The following BARHL2 variants were observed in gnomAD, a reference collection of about 807,000 sequenced individuals.
BARHL2 encodes the protein BarH like homeobox 2.
A neutral mutation model predicts 27.1 loss-of-function variants in BARHL2; 10 were observed. The observed-to-expected ratio is 0.37, with a 90% CI of 0.23 to 0.63. The LOEUF is 0.63. Ranked by LOEUF, BARHL2 falls within the 20% of genes least tolerant of loss-of-function variation. The pLI, the probability that BARHL2 is intolerant of heterozygous loss-of-function variation, is 0.65. For synonymous variants in BARHL2, 248 were observed against 224.7 expected (o/e 1.10, Z -0.93); for missense variants, 483 against 533.5 (o/e 0.91, Z 0.93).
At chr1:90,712,916 G>GC (rs1320850115) in intron 2 of BARHL2, among the ~76,000 whole-genome samples, 7 of 152,008 alleles carry the variant, frequency 4.6e-5, no homozygotes, top group Admixed American at 2.0e-4. Context: ...CTCTGCTGTC[G>GC]CCCCCCTTGT....
chr1:90,717,017 G>T lies in BARHL2; in HGVS notation c.179C>A (p.Thr60Lys). Residue 60 changes from threonine (T) to lysine (K), a missense_variant, in exon 1 of 3, where the codon ACG becomes AAG. Around this residue, in one of 3 missense-constraint regions of BARHL2, gnomAD observed 304 missense variants for 284.9 expected, o/e 1.07. Transcript: ENST00000370445. ...GACTGAGATAGGAGAAGAAGGCGCCGTCCCTACGGTATCAATCTCCGAACA... is the reference window on the plus strand; with the variant it reads ...GACTGAGATAGGAGAAGAAGGCGCCTTCCCTACGGTATCAATCTCCGAACA... ...SPCSEIDTVG[T>K]APSSPISVTM... 1 of 1,613,900 alleles carries T rather than the reference G, an allele frequency of 6.2e-7. No individual in the cohort carries two copies. Among genetic ancestry groups the T allele is most frequent in the Non-Finnish European group, 8.5e-7 (1 of 1,179,944 alleles).
chr1:90,716,451 C>T (rs958119749), intron 1 of BARHL2, 120 bp downstream of exon 1: 4 of 1,081,042 alleles, frequency 3.7e-6, no homozygotes, highest in African/African-American at 3.1e-5. Context: ...TGACCGTCGC[C>T]CAGTCGCCCG....
At chr1:90,713,634 T>C (rs140003991) in intron 2 of BARHL2, among the ~76,000 whole-genome samples, 1 of 152,166 alleles carries the variant, frequency 6.6e-6, no homozygotes, top group East Asian at 1.9e-4. Flanking sequence ...CAACCGCACT[T>C]ATGGACGATT....
intron 1 of BARHL2, among the ~76,000 whole-genome samples, chr1:90,716,212 T>C (rs994338978): frequency 1.3e-5 from 2 of 151,976 alleles, no homozygotes; most frequent in African/African-American, 4.8e-5. Flanking sequence ...CCTCCCCCCA[T>C]TCCCATTCCC....
In BARHL2 at chr1:90,717,209, CCACGCCA is replaced by C. The variant is rs1203040701; in HGVS notation, c.-21_-15del. 1 of 1,605,616 alleles carries C rather than the reference CCACGCCA, an allele frequency of 6.2e-7. No individual in the cohort carries two copies. Among genetic ancestry groups the C allele is most frequent in the Non-Finnish European group, 8.5e-7 (1 of 1,177,346 alleles). ...TTCCATTGTCATTGCTACATGAGGTCCACGCCACTCCGCCGTTCAGCAGCCGCCCCGA... is the reference window on the plus strand; with the variant it reads ...TTCCATTGTCATTGCTACATGAGGTCCTCCGCCGTTCAGCAGCCGCCCCGA... On this transcript the variant is annotated 5_prime_UTR_variant, in exon 1 of 3. Coordinates refer to ENST00000370445, the MANE Select transcript of BARHL2 (RefSeq NM_020063.2).
intron 1 of BARHL2, among the ~76,000 whole-genome samples, chr1:90,716,176 G>A (rs961230764): frequency 6.6e-6 from 1 of 151,550 alleles, no homozygotes; most frequent in South Asian, 2.1e-4. Flanking sequence ...TCACACCCAC[G>A]CTAGCTAAGT....
At chr1:90,713,592 T>G (rs79125194) in intron 2 of BARHL2, among the ~76,000 whole-genome samples, 1 of 152,174 alleles carries the variant, frequency 6.6e-6, no homozygotes, top group East Asian at 1.9e-4. Flanking sequence ...GACAGAAAAT[T>G]ATGGTAAAGA....
At position 90,717,018 on chromosome 1, in the gene BARHL2, T is replaced by C. The variant is rs1231976506; in HGVS notation, c.178A>G (p.Thr60Ala). The C allele has an allele frequency of 6.2e-7, 1 of 1,613,576 alleles. No homozygotes were observed. The highest frequency in any genetic ancestry group is 8.5e-7 in the Non-Finnish European group (1 of 1,179,916). The change falls in exon 1 of 3, where the codon ACG (threonine) becomes GCG (alanine). Residue 60 changes from threonine to alanine, a missense_variant. Thr to Ala is a moderately conservative substitution (Grantham distance 58). Around this residue, in one of 3 missense-constraint regions of BARHL2, gnomAD observed 304 missense variants for 284.9 expected, o/e 1.07. Transcript: ENST00000370445. ...SPCSEIDTVG[T>A]APSSPISVTM... is the part of the protein sequence containing the mutation. ...ACTGAGATAGGAGAAGAAGGCGCCG[T>C]CCCTACGGTATCAATCTCCGAACAG...
intron 1 of BARHL2, 129 bp from the exon 2 acceptor site, chr1:90,714,885 A>G: frequency 1.3e-6 from 1 of 763,676 alleles, no homozygotes; most frequent in Non-Finnish European, 2.3e-6. Flanking sequence ...TGCCACCCCT[A>G]GAACACACAC....
rs1368225692 is a variant in BARHL2, at chr1:90,716,780, G to A, written c.416C>T (p.Thr139Met). The A allele has an allele frequency of 1.9e-6, 3 of 1,558,688 alleles. No homozygotes were observed. In the African/African-American group the frequency reaches 4.1e-5, roughly 21 times the overall value. The change falls in exon 1 of 3, where the codon ACG (threonine) becomes ATG (methionine). Residue 139 changes from threonine to methionine, a missense_variant. By Grantham distance (81) the Thr-to-Met change is moderately conservative. Around this residue, in one of 3 missense-constraint regions of BARHL2, gnomAD observed 304 missense variants for 284.9 expected, o/e 1.07. Coordinates refer to ENST00000370445, the MANE Select transcript of BARHL2 (RefSeq NM_020063.2). Reference sequence around the variant, plus strand: ...GATGTCCTTAATTAAAAAAGAAGACGTGGAAGTCCTGGGGGCCGAGGCGGC... The same window carrying A: ...GATGTCCTTAATTAAAAAAGAAGACATGGAAGTCCTGGGGGCCGAGGCGGC... ...GSAASAPRTS[T>M]SSFLIKDILG...
At position 90,716,882 on chromosome 1, in the gene BARHL2, A is replaced by C. The variant is rs1403422730; in HGVS notation, c.314T>G (p.Leu105Trp). The change falls in exon 1 of 3, where the codon TTG becomes TGG. Residue 105 changes from leucine to tryptophan, a missense_variant. Leu to Trp is a moderately conservative substitution (Grantham distance 61, BLOSUM62 -2). Transcript: ENST00000370445. ...CTGCTGCTGTTGGGGCAAAGGCTGC[A>C]AACTTTGCGTCGGGGCCGCGGCCGG... The part of the protein sequence containing the change: ...PPPAAAPTQS[L>W]QPLPQQQQPL... 2 of 1,586,832 alleles carry C rather than the reference A, an allele frequency of 1.3e-6. No homozygotes were observed. Among genetic ancestry groups the C allele is most frequent in the East Asian group, 4.7e-5 (2 of 42,810 alleles).
intron 2 of BARHL2, 152 bp downstream of exon 2, chr1:90,714,379 C>T: frequency 1.4e-6 from 1 of 717,468 alleles, no homozygotes; most frequent in East Asian, 2.7e-5. Context: ...GGGTGTGGCT[C>T]ATCCCTGCCC....
In BARHL2 at chr1:90,712,477, A is replaced by AGCCGCC. The variant is rs753475687; in HGVS notation, c.993_998dup (p.Ala335_Ala336dup). 3.7e-6 allele frequency: 6 copies of AGCCGCC among 1,610,662 alleles called. No homozygotes were observed. The highest frequency in any genetic ancestry group is 5.1e-6 in the Non-Finnish European group (6 of 1,179,058). ...ACATGCTGCTGTACATGGCAGCGGC[A>AGCCGCC]GCCGCCGCCGCCGTAGTGCTGTCCA... is the stretch of plus-strand genomic sequence containing the variant. On this transcript the variant is annotated inframe_insertion, in exon 3 of 3. Coordinates refer to ENST00000370445, the MANE Select transcript of BARHL2 (RefSeq NM_020063.2).
Position 90,712,283 on chromosome 1 carries a change from G to A in BARHL2, c.*29C>T. On this transcript the variant is annotated 3_prime_UTR_variant, in exon 3 of 3. Transcript: ENST00000370445. Reference sequence around the variant, plus strand: ...CCGGGTTGGGCAGGGATATGGGGAAGGGATTGCAGTGCCTTCGCTGCAATG... The same window carrying A: ...CCGGGTTGGGCAGGGATATGGGGAAAGGATTGCAGTGCCTTCGCTGCAATG... 7.0e-7 allele frequency: 1 copy of A among 1,434,352 alleles called. No individual in the cohort carries two copies. The highest frequency in any genetic ancestry group is 2.5e-5 in the East Asian group (1 of 39,614). 88.9% of individuals were successfully genotyped at this position (1,434,352 alleles called of 1,614,324 possible). A position where few individuals can be genotyped will look rare whatever the true frequency, so the allele number is the denominator to read the frequency against.
chr1:90,716,118 G>GC (rs1658138992), intron 1 of BARHL2, among the ~76,000 whole-genome samples: 1 of 119,150 alleles, frequency 8.4e-6, no homozygotes, highest in South Asian at 2.9e-4. Flanking sequence ...AAATAAAGTG[G>GC]GGGGGGGGTG....
At chr1:90,714,199 G>A (rs1169337694) in intron 2 of BARHL2, among the ~76,000 whole-genome samples, 1 of 152,248 alleles carries the variant, frequency 6.6e-6, no homozygotes, top group Non-Finnish European at 1.5e-5. Context: ...GGACCTAAGT[G>A]TCAGCTGCAC....
Position 90,714,823 on chromosome 1 carries a change from G to C in BARHL2, c.626-67C>G, listed in dbSNP as rs2100641663. 7 of 1,483,140 alleles carry C rather than the reference G, an allele frequency of 4.7e-6. No homozygotes were observed. In the East Asian group the frequency reaches 1.6e-4, roughly 34 times the overall value. 91.9% of individuals were successfully genotyped at this position (1,483,140 alleles called of 1,614,324 possible). A position where few individuals can be genotyped will look rare whatever the true frequency, so the allele number is the denominator to read the frequency against. ...TGGGGAAGGACTGAGTGTCCTCCTGGCATACACTTCCACATTCCCAAGCCA... is the reference window on the plus strand; with the variant it reads ...TGGGGAAGGACTGAGTGTCCTCCTGCCATACACTTCCACATTCCCAAGCCA... On this transcript the variant is annotated intron_variant, in intron 1 of 2. Coordinates refer to ENST00000370445, the MANE Select transcript of BARHL2 (RefSeq NM_020063.2).
chr1:90,716,683 C>T lies in BARHL2; in HGVS notation c.513G>A (p.Pro171=), dbSNP rs750871122. 6.2e-7 allele frequency: 1 copy of T among 1,612,970 alleles called. No homozygotes were observed. Among genetic ancestry groups the T allele is most frequent in the Non-Finnish European group, 8.5e-7 (1 of 1,179,594 alleles). ...CGTGCACTGCGTTGCTCTCCTGCTT[C>T]GGGGTGTGGTGGGGAGAGGATACGC... is the stretch of plus-strand genomic sequence containing the variant. The part of the protein sequence containing the change: ...STSVSSPHHT[P]KQESNAVHES... Residue 171 remains proline (P), a synonymous_variant, in exon 1 of 3, where the codon CCG becomes CCA. Transcript: ENST00000370445.
chr1:90,714,437 T>TA (rs1658101794), intron 2 of BARHL2, 94 bp downstream of exon 2: 3 of 1,242,218 alleles, frequency 2.4e-6, no homozygotes, highest in African/African-American at 2.9e-5. Context: ...TCTCAGTCCT[T>TA]AGAGTCTCTG....
Sources: allele counts gnomAD v4.1 joint callset (sites outside exome capture counted in the v4.1 genomes callset), GRCh38; gene constraint gnomAD v4.1.1; regional missense constraint gnomAD v4.1.1; transcripts MANE v1.5; gene names NCBI Gene and HGNC (gene_info 2026-07-23, HGNC 2026-07-21).